SLC35F4: variants seen among roughly 807,000 people sequenced by gnomAD.
SLC35F4 encodes the protein chromosome 14 open reading frame 36.
A neutral mutation model predicts 44.2 loss-of-function variants in SLC35F4; 24 were observed. The ratio of observed to expected loss-of-function variants is 0.54; its 90% CI spans 0.39 to 0.76. SLC35F4 has a LOEUF of 0.76. SLC35F4 is among the 30% of genes least tolerant of loss of function. The pLI is 0.00. For synonymous variants in SLC35F4, 238 were observed against 223.6 expected, an observed-to-expected ratio of 1.06 and a Z score of -0.57; for missense variants, 562 against 586.1, an observed-to-expected ratio of 0.96 and a Z score of 0.42.
At chr14:57,974,098 G>A (rs540518528), downstream of SLC35F4, among the ~76,000 whole-genome samples, 38 of 152,286 alleles carry the variant, frequency 2.5e-4, 1 homozygote, top group South Asian at 7.5e-3. Flanking sequence ...TCTGTTTCAT[G>A]TGGTTTCAAT....
intron 1 of SLC35F4, among the ~76,000 whole-genome samples, chr14:57,773,152 C>T (rs1195143590): frequency 1.3e-5 from 2 of 152,028 alleles, no homozygotes; most frequent in East Asian, 3.8e-4. Context: ...TGAGAAATGT[C>T]ATTCATGTCT....
At chr14:57,871,069 G>C (rs1888288417), upstream of SLC35F4, among the ~76,000 whole-genome samples, 3 of 152,206 alleles carry the variant, frequency 2.0e-5, no homozygotes, top group African/African-American at 7.2e-5. Context: ...GTCCTGCTTG[G>C]TGAAGTGGAG....
downstream of SLC35F4, among the ~76,000 whole-genome samples, chr14:57,974,073 T>C (rs2141096556): frequency 6.6e-6 from 1 of 152,328 alleles, no homozygotes; most frequent in South Asian, 2.1e-4. Context: ...AGGCAGGACT[T>C]AGACGGGTGA....
intron 1 of SLC35F4, among the ~76,000 whole-genome samples, chr14:57,613,957 T>G (rs2140061268): frequency 6.6e-6 from 1 of 152,360 alleles, no homozygotes; most frequent in Non-Finnish European, 1.5e-5. Context: ...ACCCCTGGAC[T>G]GGTGCCTTTT....
chr14:57,920,059 T>C (rs1481264432), intron 1 of SLC35F4, among the ~76,000 whole-genome samples: 3 of 152,192 alleles, frequency 2.0e-5, no homozygotes. Flanking sequence ...GTGAGATGGA[T>C]AGAGACACAA....
At chr14:57,880,208 C>G (rs1888503974) in intron 1 of SLC35F4, among the ~76,000 whole-genome samples, 1 of 152,092 alleles carries the variant, frequency 6.6e-6, no homozygotes, top group African/African-American at 2.4e-5. Flanking sequence ...CTAGAACTAT[C>G]ATGAGGATAA....
intron 1 of SLC35F4, among the ~76,000 whole-genome samples, chr14:57,678,970 G>C (rs2074799086): frequency 6.6e-6 from 1 of 152,032 alleles, no homozygotes. Flanking sequence ...AGATCAATGA[G>C]ACAGAAAATT....
intron 1 of SLC35F4, among the ~76,000 whole-genome samples, chr14:57,904,482 G>T (rs1255714557): frequency 6.6e-6 from 1 of 152,200 alleles, no homozygotes; most frequent in Non-Finnish European, 1.5e-5. Flanking sequence ...ATGCAAGACA[G>T]TGAATGAGCA....
At chr14:57,901,403 A>C (rs1488284770) in intron 1 of SLC35F4, among the ~76,000 whole-genome samples, 1 of 152,224 alleles carries the variant, frequency 6.6e-6, no homozygotes, top group African/African-American at 2.4e-5. Context: ...CGTTATTGCC[A>C]GCAAACTAAT....
chr14:57,760,003 G>A (rs1381390400), intron 1 of SLC35F4, among the ~76,000 whole-genome samples: 1 of 149,496 alleles, frequency 6.7e-6, no homozygotes, highest in East Asian at 2.0e-4. Context: ...TCTGTTCATT[G>A]TTTCTTTTTC....
intron 1 of SLC35F4, among the ~76,000 whole-genome samples, chr14:57,718,865 T>C (rs1372882732): frequency 6.6e-6 from 1 of 152,190 alleles, no homozygotes; most frequent in Non-Finnish European, 1.5e-5. Flanking sequence ...ATTTGTCTAT[T>C]TTTGCTTTGG....
chr14:57,935,469 G>T (rs2141068755), intron 1 of SLC35F4, among the ~76,000 whole-genome samples: 1 of 152,310 alleles, frequency 6.6e-6, no homozygotes, highest in East Asian at 1.9e-4. Context: ...AAGCTCACTG[G>T]ATTCCAAGGC....
At chr14:57,945,926 G>C (rs925575295) in intron 1 of SLC35F4, among the ~76,000 whole-genome samples, 6 of 151,964 alleles carry the variant, frequency 3.9e-5, no homozygotes, top group African/African-American at 1.2e-4. Context: ...ATTTTCTCTT[G>C]AGAATTGTCT....
chr14:57,647,379 G>A (rs1311702541), intron 1 of SLC35F4, among the ~76,000 whole-genome samples: 1 of 152,034 alleles, frequency 6.6e-6, no homozygotes, highest in African/African-American at 2.4e-5. Context: ...ATTATGTGAT[G>A]GCCTTCTTTG....
chr14:57,581,230 C>A lies in SLC35F4; in HGVS notation c.791G>T (p.Arg264Met). The A allele has an allele frequency of 6.3e-7, 1 of 1,580,292 alleles. No individual in the cohort carries two copies. The highest frequency in any genetic ancestry group is 1.2e-5 in the South Asian group (1 of 85,468). The change falls in exon 4 of 8, where the codon AGG becomes ATG. Residue 264 changes from arginine (R) to methionine (M), a missense_variant. Coordinates refer to ENST00000556826, the MANE Select transcript of SLC35F4 (RefSeq NM_001306087.2). The stretch of plus-strand genomic sequence containing the variant: ...TGCCATTACCCTCACTCCCATGAAC[C>A]TGTCTTTCAGCACAATCCATGACAG... Reference protein sequence around the residue: ...FLLSWIVLKDRFMGVRIVAAI... With the variant: ...FLLSWIVLKDMFMGVRIVAAI...
chr14:57,856,049 C>A (rs1475505495), intron 1 of SLC35F4, among the ~76,000 whole-genome samples: 1 of 151,856 alleles, frequency 6.6e-6, no homozygotes, highest in Non-Finnish European at 1.5e-5. Context: ...CTGTGTTGCC[C>A]AGGCTGGAGT....
At chr14:57,918,949 C>T (rs1889385917) in intron 1 of SLC35F4, among the ~76,000 whole-genome samples, 1 of 152,192 alleles carries the variant, frequency 6.6e-6, no homozygotes, top group African/African-American at 2.4e-5. Context: ...TATATTTCCC[C>T]TTCTGTAGTG....
chr14:57,627,899 G>A (rs2072553874), intron 1 of SLC35F4, among the ~76,000 whole-genome samples: 1 of 151,916 alleles, frequency 6.6e-6, no homozygotes, highest in Non-Finnish European at 1.5e-5. Context: ...TCATCCCAAT[G>A]TTGCTGTTTT....
intron 1 of SLC35F4, among the ~76,000 whole-genome samples, chr14:57,689,804 T>C (rs1018230037): frequency 2.6e-5 from 4 of 151,650 alleles, no homozygotes; most frequent in Non-Finnish European, 4.4e-5. Flanking sequence ...AGTTAATGGG[T>C]GCGGCACACC....
Sources: gnomAD v4.1 joint callset for allele counts (sites outside exome capture counted in the v4.1 genomes callset) on GRCh38, gnomAD v4.1.1 for gene constraint, MANE v1.5 for transcripts, NCBI Gene and HGNC (gene_info 2026-07-23, HGNC 2026-07-21) for gene names.